WDR7: variants seen among roughly 807,000 people sequenced by gnomAD.
WDR7 encodes WD repeat-containing protein 7.
In WDR7, 46 loss-of-function variants were observed where a neutral mutation model predicts 169.4. That is an observed-to-expected ratio of 0.27 (90% confidence interval 0.21 to 0.35). The LOEUF is 0.35. Ranked by LOEUF, WDR7 falls within the 10% of genes least tolerant of loss-of-function variation. WDR7 has a pLI of 1.00. For synonymous variants in WDR7, 612 were observed against 666.8 expected, an observed-to-expected ratio of 0.92 and a Z score of 1.27; for missense variants, 1,534 against 1,859.3, an observed-to-expected ratio of 0.83 and a Z score of 3.22.
At chr18:56,806,838 T>A (rs1349543542) in intron 19 of WDR7, among the ~76,000 whole-genome samples, 2 of 152,174 alleles carry the variant, frequency 1.3e-5, no homozygotes, top group Non-Finnish European at 2.9e-5. Flanking sequence ...AACATTGCAC[T>A]GTTTCCTATA....
intron 20 of WDR7, among the ~76,000 whole-genome samples, chr18:56,866,010 C>G (rs1347592965): frequency 1.3e-5 from 2 of 152,054 alleles, no homozygotes; most frequent in Non-Finnish European, 2.9e-5. Context: ...AATAGAGATT[C>G]ATGTTGGCAT....
intron 20 of WDR7, among the ~76,000 whole-genome samples, chr18:56,827,267 C>G (rs1427245329): frequency 1.3e-5 from 2 of 152,142 alleles, no homozygotes; most frequent in African/African-American, 4.8e-5. Context: ...TCAATTTTCT[C>G]ACCTGAAATA....
At chr18:56,868,049 G>A (rs972153146) in intron 20 of WDR7, among the ~76,000 whole-genome samples, 5 of 152,172 alleles carry the variant, frequency 3.3e-5, no homozygotes, top group Admixed American at 6.5e-5. Flanking sequence ...TACCACAAAG[G>A]TGTGGGCATT....
chr18:56,805,036 T>C (rs2044746812), intron 19 of WDR7, among the ~76,000 whole-genome samples: 2 of 152,262 alleles, frequency 1.3e-5, no homozygotes, highest in South Asian at 4.1e-4. Context: ...CTGCCAACAC[T>C]GAGGGCAGAC....
At chr18:56,915,697 A>T (rs2046614996) in intron 21 of WDR7, among the ~76,000 whole-genome samples, 1 of 152,188 alleles carries the variant, frequency 6.6e-6, no homozygotes, top group Admixed American at 6.5e-5. Flanking sequence ...CTCATGAATT[A>T]TCCCTCAGGG....
chr18:56,895,124 G>A (rs1255407560), intron 21 of WDR7, among the ~76,000 whole-genome samples: 1 of 151,878 alleles, frequency 6.6e-6, no homozygotes, highest in East Asian at 1.9e-4. Flanking sequence ...ATTTAGCATG[G>A]ACATTTTAGC....
At chr18:56,804,345 A>C (rs2044729664) in intron 19 of WDR7, among the ~76,000 whole-genome samples, 2 of 152,246 alleles carry the variant, frequency 1.3e-5, no homozygotes, top group East Asian at 3.8e-4. Flanking sequence ...TAAAACCCTG[A>C]GAATCATAAT....
chr18:56,738,142 CTCAG>C (rs973499744), intron 14 of WDR7, among the ~76,000 whole-genome samples: 2 of 152,110 alleles, frequency 1.3e-5, no homozygotes, highest in Non-Finnish European at 2.9e-5. Flanking sequence ...AATACATTTT[CTCAG>C]TCAAATAAAG....
chr18:56,697,043 G>C (rs1042946265), intron 12 of WDR7, among the ~76,000 whole-genome samples: 1 of 145,120 alleles, frequency 6.9e-6, no homozygotes, highest in Non-Finnish European at 1.5e-5. Flanking sequence ...TGAGATTTTA[G>C]GAGGGCTTAG....
chr18:56,845,365 T>G (rs751922960), intron 20 of WDR7, among the ~76,000 whole-genome samples: 10 of 152,108 alleles, frequency 6.6e-5, no homozygotes, highest in Non-Finnish European at 1.3e-4. Context: ...TTTTAGGAAA[T>G]AATAAGATCT....
At chr18:56,900,578 G>A (rs1170802321) in intron 21 of WDR7, among the ~76,000 whole-genome samples, 2 of 152,210 alleles carry the variant, frequency 1.3e-5, no homozygotes, top group Non-Finnish European at 2.9e-5. Flanking sequence ...AGAGTGGATA[G>A]TAAAGTGACT....
At chr18:56,777,123 T>C (rs1036782636) in intron 17 of WDR7, among the ~76,000 whole-genome samples, 1 of 152,232 alleles carries the variant, frequency 6.6e-6, no homozygotes, top group African/African-American at 2.4e-5. Context: ...GAGATGCCAA[T>C]CTTTGATGTA....
intron 20 of WDR7, among the ~76,000 whole-genome samples, chr18:56,841,434 C>T (rs575366881): frequency 5.2e-4 from 79 of 151,004 alleles, no homozygotes; most frequent in Non-Finnish European, 8.4e-4. Context: ...ATCGCAGCTA[C>T]TTGGGAGGCT....
At chr18:56,713,306 TACTC>T (rs1219261910) in intron 12 of WDR7, among the ~76,000 whole-genome samples, 2 of 152,230 alleles carry the variant, frequency 1.3e-5, no homozygotes, top group Non-Finnish European at 2.9e-5. Context: ...AATGTGAAGT[TACTC>T]ACATTAATGA....
chr18:56,807,520 A>G (rs1275769121), intron 19 of WDR7, among the ~76,000 whole-genome samples: 1 of 152,170 alleles, frequency 6.6e-6, no homozygotes, highest in East Asian at 1.9e-4. Flanking sequence ...TTTTTGGGAA[A>G]GAGAAATAAT....
In WDR7 at chr18:56,951,958, A is replaced by G. The variant is rs568912558; in HGVS notation, c.4065-10472A>G. On this transcript the variant is annotated intron_variant, in intron 25 of 27. Coordinates refer to ENST00000254442, the MANE Select transcript of WDR7 (RefSeq NM_015285.3). ...AATTATTTATTTTGTTTAAAAACCC[A>G]TTATATGTTAACATAAAAATACTTT... Among the ~76,000 whole-genome samples, 8 of 152,312 alleles carry G rather than the reference A, an allele frequency of 5.3e-5. No homozygotes were observed. In the South Asian group the frequency reaches 6.2e-4, roughly 12 times the overall value.
intron 14 of WDR7, among the ~76,000 whole-genome samples, chr18:56,739,876 A>ATT (rs58692081): frequency 0.027 from 3,728 of 138,028 alleles, 70 homozygotes; most frequent in Non-Finnish European, 0.043. Flanking sequence ...CCTAGATGTG[A>ATT]TTTTTTTTTT....
chr18:56,792,498 G>A (rs538946051), intron 19 of WDR7, among the ~76,000 whole-genome samples: 4 of 151,700 alleles, frequency 2.6e-5, no homozygotes, highest in East Asian at 1.9e-4. Flanking sequence ...GGAGGGGAGC[G>A]AATAAATCCA....
intron 5 of WDR7, 50 bp from the exon 6 acceptor site, chr18:56,685,906 G>T (rs377132728): frequency 7.1e-7 from 1 of 1,410,208 alleles, no homozygotes; most frequent in Admixed American, 2.1e-5. Flanking sequence ...TTTAGAAAAA[G>T]CGTATTATGT....
Sources: gnomAD v4.1 joint callset for allele counts (sites outside exome capture counted in the v4.1 genomes callset) on GRCh38, gnomAD v4.1.1 for gene constraint, MANE v1.5 for transcripts, NCBI Gene and HGNC (gene_info 2026-07-23, HGNC 2026-07-21) for gene names.